Variants in ADSS2 observed in about 807,000 individuals in gnomAD.
ADSS2 encodes the protein adenylosuccinate synthase 2, also known as adenylosuccinate synthetase isozyme 2.
Under a neutral mutation model 60.0 loss-of-function variants are expected in ADSS2, and 30 were observed. The ratio of observed to expected loss-of-function variants is 0.50; its 90% CI spans 0.37 to 0.68. The LOEUF is 0.68. Ranked by LOEUF, ADSS2 falls within the 30% of genes least tolerant of loss-of-function variation. The pLI is 0.00. For missense variants in ADSS2, 373 were observed against 554.8 expected (o/e 0.67, Z 3.29); for synonymous variants, 187 against 193.1 (o/e 0.97, Z 0.26).
At chr1:244,443,502 T>C (rs1391336518) in intron 1 of ADSS2, among the ~76,000 whole-genome samples, 1 of 152,254 alleles carries the variant, frequency 6.6e-6, no homozygotes, top group Admixed American at 6.5e-5. Flanking sequence ...GGAAAACATT[T>C]AGTAATAAAT....
intron 5 of ADSS2, 124 bp downstream of exon 5, chr1:244,424,197 C>A: frequency 8.2e-7 from 1 of 1,213,382 alleles, no homozygotes; most frequent in Non-Finnish European, 1.2e-6. Context: ...GTTCATAATC[C>A]TACTGATTTT....
intron 1 of ADSS2, among the ~76,000 whole-genome samples, chr1:244,441,640 C>A (rs534228978): frequency 3.9e-5 from 6 of 152,160 alleles, no homozygotes; most frequent in Admixed American, 1.3e-4. Flanking sequence ...CCCTGCCTAA[C>A]TACAACCAGT....
At chr1:244,411,081 C>T (rs1044089746) in intron 12 of ADSS2, among the ~76,000 whole-genome samples, 1 of 151,980 alleles carries the variant, frequency 6.6e-6, no homozygotes. Flanking sequence ...ATTAGCCAGG[C>T]GTGGTGGCGC....
At chr1:244,450,005 C>T (rs2148019416) in intron 1 of ADSS2, among the ~76,000 whole-genome samples, 1 of 152,284 alleles carries the variant, frequency 6.6e-6, no homozygotes, top group African/African-American at 2.4e-5. Context: ...TGGTTGTGTT[C>T]TCCAAACCTT....
At chr1:244,436,771 T>C (rs1665111510) in intron 3 of ADSS2, 54 bp downstream of exon 3, 3 of 1,473,994 alleles carry the variant, frequency 2.0e-6, no homozygotes, top group Non-Finnish European at 2.8e-6. Flanking sequence ...CATAAGATCC[T>C]AATAAAACTT....
At chr1:244,449,669 C>T (rs1443520782) in intron 1 of ADSS2, among the ~76,000 whole-genome samples, 1 of 152,140 alleles carries the variant, frequency 6.6e-6, no homozygotes, top group Admixed American at 6.5e-5. Flanking sequence ...ATAAAGAATC[C>T]TAATGATACA....
chr1:244,415,496 T>C (rs1326655161), intron 11 of ADSS2, among the ~76,000 whole-genome samples: 1 of 152,230 alleles, frequency 6.6e-6, no homozygotes, highest in Non-Finnish European at 1.5e-5. Context: ...CTAGTCAATA[T>C]TCCTTCATTT....
rs961855746 is a variant in ADSS2 at position 244,451,895 on chromosome 1, C to T, written c.-78G>A. 56 of 1,366,646 alleles carry T rather than the reference C, an allele frequency of 4.1e-5. No homozygotes were observed. The highest frequency in any genetic ancestry group is 5.3e-5 in the Non-Finnish European group (55 of 1,043,246). The allele number at this position is 1,366,646 out of a possible 1,614,324, so 84.7% of individuals were successfully genotyped here. On this transcript the variant is annotated 5_prime_UTR_variant, in exon 1 of 13. Coordinates refer to ENST00000366535, the MANE Select transcript of ADSS2 (RefSeq NM_001126.5). This position sits in a 1 kb window ranked among gnomAD's most constrained non-coding sequence, Gnocchi z 6.6. ...GCGAACTGAACTGCTCTGCGGCCGC[C>T]AGCCACATGCAGAGGAAGAAGGAGC...
Position 244,422,864 on chromosome 1 carries a change from C to T in ADSS2, c.634G>A (p.Asp212Asn), listed in dbSNP as rs766537315. The T allele has an allele frequency of 6.3e-7, 1 of 1,599,702 alleles. No individual in the cohort carries two copies. Among genetic ancestry groups the T allele is most frequent in the Admixed American group, 1.7e-5 (1 of 59,936 alleles). ...AGTTTTTGTAATTCACCTTCAATGT[C>T]TATTTCCAAAGTGGGGTATATAGAT... ...YKSIYPTLEI[D>N]IEGELQKLKG... The change falls in exon 7 of 13, where the codon GAC (aspartate) becomes AAC (asparagine). Residue 212 changes from aspartate to asparagine, a missense_variant. Asp to Asn is a conservative substitution (Grantham distance 23). Coordinates refer to ENST00000366535, the MANE Select transcript of ADSS2 (RefSeq NM_001126.5).
At chr1:244,441,224 A>G (rs1261527400) in intron 1 of ADSS2, among the ~76,000 whole-genome samples, 1 of 152,030 alleles carries the variant, frequency 6.6e-6, no homozygotes, top group African/African-American at 2.4e-5. Flanking sequence ...ATGCCCGGCT[A>G]ATTTTTTGTA....
intron 1 of ADSS2, among the ~76,000 whole-genome samples, chr1:244,440,898 G>A (rs1371624088): frequency 2.0e-5 from 3 of 151,938 alleles, no homozygotes; most frequent in African/African-American, 7.3e-5. Context: ...CATAATGAGA[G>A]GCACTCAGAT....
intron 9 of ADSS2, 27 bp from the exon 10 acceptor site, chr1:244,417,779 G>A (rs370255531): frequency 4.4e-5 from 71 of 1,605,806 alleles, no homozygotes; most frequent in Non-Finnish European, 5.8e-5. Context: ...TGAACTTTAG[G>A]ATTAGAATAG....
intron 1 of ADSS2, among the ~76,000 whole-genome samples, chr1:244,450,545 T>A (rs1174209760): frequency 6.6e-6 from 1 of 152,230 alleles, no homozygotes; most frequent in African/African-American, 2.4e-5. Flanking sequence ...CTAGAACATA[T>A]ACAGCATGGC....
rs574194297 is a variant in ADSS2 at position 244,417,927 on chromosome 1, T to C, written c.946-175A>G. Among the ~76,000 whole-genome samples the C allele has an allele frequency of 2.0e-5, 3 of 151,860 alleles. No homozygotes were observed. In the East Asian group the frequency reaches 5.8e-4, roughly 29 times the overall value. On this transcript the variant is annotated intron_variant, in intron 9 of 12. Coordinates refer to ENST00000366535, the MANE Select transcript of ADSS2 (RefSeq NM_001126.5). ...TGAATTTTATCTGAGGGAGGCATTATTTGGAATGCTTCATTTATTATCATT... is the reference window on the plus strand; with the variant it reads ...TGAATTTTATCTGAGGGAGGCATTACTTGGAATGCTTCATTTATTATCATT...
At chr1:244,448,763 T>C (rs536281073) in intron 1 of ADSS2, among the ~76,000 whole-genome samples, 4 of 152,344 alleles carry the variant, frequency 2.6e-5, no homozygotes, top group African/African-American at 9.6e-5. Context: ...CTTGGTCCCA[T>C]ACTTTAACCT....
intron 12 of ADSS2, among the ~76,000 whole-genome samples, chr1:244,410,474 TAATA>T (rs955941026): frequency 1.1e-4 from 16 of 150,718 alleles, no homozygotes; most frequent in Middle Eastern, 3.4e-3. Flanking sequence ...ATTTGTTCTT[TAATA>T]AATAGGCTTA....
chr1:244,435,047 C>T (rs554874020), intron 3 of ADSS2, among the ~76,000 whole-genome samples: 24 of 151,282 alleles, frequency 1.6e-4, no homozygotes, highest in Admixed American at 3.3e-4. Flanking sequence ...ACGTGCCTAT[C>T]GTCCCAGCTA....
chr1:244,441,904 C>T lies in ADSS2; in HGVS notation c.184-4136G>A, dbSNP rs1572146865. On this transcript the variant is annotated intron_variant, in intron 1 of 12. Transcript: ENST00000366535. Reference sequence around the variant, plus strand: ...CCAGGAGGCGGAGCTTGCAGTGAGCCGAGATCACGCCACTGCACTCCAGCC... The same window carrying T: ...CCAGGAGGCGGAGCTTGCAGTGAGCTGAGATCACGCCACTGCACTCCAGCC... 3.3e-5 allele frequency among the ~76,000 whole-genome samples: 5 copies of T among 152,118 alleles called. No homozygotes were observed. In the South Asian group the frequency reaches 6.2e-4, roughly 19 times the overall value.
At chr1:244,427,198 G>T (rs3127461) in intron 4 of ADSS2, among the ~76,000 whole-genome samples, 33,880 of 151,956 alleles carry the variant, frequency 0.22, 4,122 homozygotes, top group Middle Eastern at 0.31. Flanking sequence ...CTAATGTAAA[G>T]AACTGGCCAG....
Sources: allele counts gnomAD v4.1 joint callset (sites outside exome capture counted in the v4.1 genomes callset), GRCh38; gene constraint gnomAD v4.1.1; non-coding constraint Gnocchi (gnomAD v3.1); transcripts MANE v1.5; gene names NCBI Gene and HGNC (gene_info 2026-07-23, HGNC 2026-07-21).